MTAP: variants seen among roughly 807,000 people sequenced by gnomAD.
MTAP encodes the protein S-methyl-5'-thioadenosine phosphorylase.
A neutral mutation model predicts 33.6 loss-of-function variants in MTAP; 33 were observed. The ratio of observed to expected loss-of-function variants is 0.98; its 90% CI spans 0.74 to 1.31. The LOEUF is 1.31. Among genes scored for constraint, MTAP ranks in the 40% most tolerant of loss-of-function variants. The pLI is 0.00. For missense variants in MTAP, 367 were observed against 360.0 expected (o/e 1.02, Z -0.16); for synonymous variants, 148 against 125.7 (o/e 1.18, Z -1.19).
chr9:21,931,365 C>A, downstream of MTAP: 1 of 510,272 alleles, frequency 2.0e-6, no homozygotes, highest in East Asian at 3.1e-5. Flanking sequence ...GGAGGAGAGA[C>A]CCCCTCCAAC....
downstream of MTAP, chr9:21,931,416 G>A: frequency 2.3e-6 from 1 of 433,156 alleles, no homozygotes; most frequent in Non-Finnish European, 4.1e-6. Context: ...TCAGGTGGTT[G>A]TTAAACTCTC....
At chr9:21,849,471 C>T (rs1825461224) in intron 5 of MTAP, among the ~76,000 whole-genome samples, 1 of 152,168 alleles carries the variant, frequency 6.6e-6, no homozygotes, top group Non-Finnish European at 1.5e-5. Context: ...TGGACTCATC[C>T]TGTGGTCATT....
chr9:21,823,097 G>A (rs1484739110), intron 4 of MTAP, among the ~76,000 whole-genome samples: 1 of 152,170 alleles, frequency 6.6e-6, no homozygotes, highest in African/African-American at 2.4e-5. Context: ...GCCAGTCTGT[G>A]TCTTTTAATT....
chr9:21,843,244 T>C (rs1261877267), intron 5 of MTAP, among the ~76,000 whole-genome samples: 1 of 152,242 alleles, frequency 6.6e-6, no homozygotes, highest in East Asian at 1.9e-4. Flanking sequence ...ACTTAACACT[T>C]GAGCTCCCAA....
Position 21,915,047 on chromosome 9 carries a change from CCTTCCTTCCTTTCTTTCTTT to C in MTAP, c.148-15957_148-15938del, listed in dbSNP as rs1410570826. On this transcript the variant is annotated intron_variant, in intron 1 of 1. Coordinates refer to the MTAP transcript ENST00000577563. ...TCCTTCCTTCCTTCCTTCCTTCCTT[CCTTCCTTCCTTTCTTTCTTT>C]CTTTCTTTCTTTCTTTCCTTTCTTT... 1.3e-4 allele frequency among the ~76,000 whole-genome samples: 8 copies of C among 62,042 alleles called. 1 individual carries two copies. Among genetic ancestry groups the C allele is most frequent in the Admixed American group, 7.8e-4 (4 of 5,160 alleles). 40.7% of individuals were successfully genotyped at this position (62,042 alleles called of 152,430 possible).
Position 21,922,055 on chromosome 9 carries a change from A to G in MTAP, c.148-8953A>G, listed in dbSNP as rs1818795998. Among the ~76,000 whole-genome samples, 1 of 152,116 alleles carries G rather than the reference A, an allele frequency of 6.6e-6. No homozygotes were observed. Among genetic ancestry groups the G allele is most frequent in the South Asian group, 2.1e-4 (1 of 4,812 alleles). On this transcript the variant is annotated intron_variant, in intron 1 of 1. Coordinates refer to the MTAP transcript ENST00000577563. This position sits in a 1 kb window ranked among gnomAD's most constrained non-coding sequence, Gnocchi z 4.8. Reference sequence around the variant, plus strand: ...CCAGAGAAAGGCAGTCTCCCAATATATGGAAAACACTTGAAGCCGGTGGCC... The same window carrying G: ...CCAGAGAAAGGCAGTCTCCCAATATGTGGAAAACACTTGAAGCCGGTGGCC...
intron 1 of MTAP, among the ~76,000 whole-genome samples, chr9:21,805,124 A>G (rs963872259): frequency 5.3e-5 from 8 of 152,238 alleles, no homozygotes. Flanking sequence ...ATTTAAATAC[A>G]GTAACATGTA....
At position 21,864,381 on chromosome 9, in the gene MTAP, A is replaced by T. The variant is rs139085157; in HGVS notation, c.*2367A>T. 119 of 985,134 alleles carry T rather than the reference A, an allele frequency of 1.2e-4. 3 individuals are homozygous for T. In the African/African-American group the frequency reaches 1.7e-3, roughly 14 times the overall value. The allele number at this position is 985,134 out of a possible 1,614,324, so 61.0% of individuals were successfully genotyped here. A position where few individuals can be genotyped will look rare whatever the true frequency, so the allele number is the denominator to read the frequency against. ...TTTTTTTAATTTAAGCTAGTATACTAAGTGAACACCATGGTCAGTTGTGAG... is the reference window on the plus strand; with the variant it reads ...TTTTTTTAATTTAAGCTAGTATACTTAGTGAACACCATGGTCAGTTGTGAG... On this transcript the variant is annotated 3_prime_UTR_variant, in exon 8 of 8. Transcript: ENST00000644715.
intron 1 of MTAP, among the ~76,000 whole-genome samples, chr9:21,803,994 C>G (rs1166780789): frequency 1.3e-5 from 2 of 152,160 alleles, no homozygotes; most frequent in Non-Finnish European, 2.9e-5. Context: ...TTGCATCCAG[C>G]AAATATTTAT....
chr9:21,881,036 GT>G (rs1818003291), intron 1 of MTAP, among the ~76,000 whole-genome samples: 1 of 152,046 alleles, frequency 6.6e-6, no homozygotes, highest in Non-Finnish European at 1.5e-5. Context: ...AATCAAAACA[GT>G]GTGGTACTGG....
Position 21,863,012 on chromosome 9 carries a change from T to C in MTAP, c.*998T>C. On this transcript the variant is annotated 3_prime_UTR_variant, in exon 8 of 8. Coordinates refer to ENST00000644715, the MANE Select transcript of MTAP (RefSeq NM_002451.4). ...TTTAAGTTGGTAATATTAAGGTGAA[T>C]GTCATTTAAGGGAGTTACATCTTTA... 1 of 985,102 alleles carries C rather than the reference T, an allele frequency of 1.0e-6. No homozygotes were observed. The highest frequency in any genetic ancestry group is 1.2e-6 in the Non-Finnish European group (1 of 829,616). 61.0% of individuals were successfully genotyped at this position (985,102 alleles called of 1,614,324 possible). A position where few individuals can be genotyped will look rare whatever the true frequency, so the allele number is the denominator to read the frequency against.
intron 4 of MTAP, among the ~76,000 whole-genome samples, chr9:21,819,589 C>T (rs1401402270): frequency 2.0e-5 from 3 of 152,094 alleles, no homozygotes; most frequent in Admixed American, 1.3e-4. Flanking sequence ...TGAATAGTGC[C>T]GCAATAAACA....
intron 1 of MTAP, chr9:21,930,111 C>T (rs1818933034): frequency 2.2e-6 from 1 of 464,942 alleles, no homozygotes; most frequent in South Asian, 1.7e-5. Context: ...CTGCAAATTG[C>T]CAACCTCAGC....
At chr9:21,914,459 G>T (rs1174367863) in intron 1 of MTAP, among the ~76,000 whole-genome samples, 1 of 152,044 alleles carries the variant, frequency 6.6e-6, no homozygotes, top group African/African-American at 2.4e-5. Flanking sequence ...CCATAAAAAA[G>T]GATGAGTTCA....
At chr9:21,817,650 G>T (rs1175569916) in intron 3 of MTAP, among the ~76,000 whole-genome samples, 1 of 152,028 alleles carries the variant, frequency 6.6e-6, no homozygotes, top group East Asian at 2.0e-4. Flanking sequence ...GCTGTACCTT[G>T]CAAGCATGCA....
At chr9:21,881,237 CAT>C (rs1368638317) in intron 1 of MTAP, among the ~76,000 whole-genome samples, 3 of 151,964 alleles carry the variant, frequency 2.0e-5, no homozygotes, top group Non-Finnish European at 2.9e-5. Flanking sequence ...CTCTTACCAC[CAT>C]ACACAAAAAT....
At chr9:21,807,305 G>C (rs940396265) in intron 1 of MTAP, among the ~76,000 whole-genome samples, 1 of 152,172 alleles carries the variant, frequency 6.6e-6, no homozygotes, top group Non-Finnish European at 1.5e-5. Context: ...GTAGACTGTG[G>C]AATATGGGCC....
intron 1 of MTAP, among the ~76,000 whole-genome samples, chr9:21,899,687 G>T (rs1818357911): frequency 6.6e-6 from 1 of 152,128 alleles, no homozygotes; most frequent in Admixed American, 6.5e-5. Context: ...ATTGTCATGA[G>T]AACAACATGG....
At chr9:21,873,583 G>A (rs1362389621) in intron 1 of MTAP, among the ~76,000 whole-genome samples, 3 of 151,078 alleles carry the variant, frequency 2.0e-5, no homozygotes, top group Non-Finnish European at 4.4e-5. Context: ...GAATCTGTTG[G>A]TGCCTTGATC....
Sources: allele counts gnomAD v4.1 joint callset (sites outside exome capture counted in the v4.1 genomes callset), GRCh38; gene constraint gnomAD v4.1.1; non-coding constraint Gnocchi (gnomAD v3.1); transcripts MANE v1.5; gene names NCBI Gene and HGNC (gene_info 2026-07-23, HGNC 2026-07-21).